TLR3: variants seen among roughly 807,000 people sequenced by gnomAD.
TLR3 encodes the protein toll like receptor 3.
In TLR3, 43 loss-of-function variants were observed where a neutral mutation model predicts 66.4. That is an observed-to-expected ratio of 0.65 (90% CI 0.51 to 0.83). TLR3 has a LOEUF of 0.83. TLR3 is among the 40% of genes least tolerant of loss of function. TLR3 has a pLI of 0.00. For missense variants in TLR3, 982 were observed against 1,044.6 expected (o/e 0.94, Z 0.83); for synonymous variants, 397 against 397.2 (o/e 1.00, Z 0.01).
rs568980129 is a variant in TLR3, at chr4:186,079,104, G to A, written c.633+73G>A. ...AGTCCCTATCTGTGTCACATACACA[G>A]GAATGTAATGCTCTCTAGCCTCTGC... On this transcript the variant is annotated intron_variant, in intron 3 of 4. Transcript: ENST00000296795. The A allele has an allele frequency of 1.2e-5, 15 of 1,273,622 alleles. No individual in the cohort carries two copies. In the South Asian group the frequency reaches 1.8e-4, roughly 15 times the overall value. The allele number at this position is 1,273,622 out of a possible 1,614,324, so 78.9% of individuals were successfully genotyped here.
chr4:186,076,718 A>G lies in TLR3; in HGVS notation c.99A>G (p.Glu33=), dbSNP rs1481297372. The part of the protein sequence containing the change: ...SSTTKCTVSH[E]VADCSHLKLT... Reference sequence around the variant, plus strand: ...CCACCAAGTGCACTGTTAGCCATGAAGTTGCTGACTGCAGCCACCTGAAGT... The same window carrying G: ...CCACCAAGTGCACTGTTAGCCATGAGGTTGCTGACTGCAGCCACCTGAAGT... Residue 33 remains glutamate, a synonymous_variant, in exon 2 of 5, where the codon GAA becomes GAG. Transcript: ENST00000296795. 2 of 1,614,160 alleles carry G rather than the reference A, an allele frequency of 1.2e-6. No homozygotes were observed. Among genetic ancestry groups the G allele is most frequent in the East Asian group, 4.5e-5 (2 of 44,870 alleles).
Sources: gnomAD v4.1 joint callset for allele counts on GRCh38, gnomAD v4.1.1 for gene constraint, MANE v1.5 for transcripts, NCBI Gene and HGNC (gene_info 2026-07-23, HGNC 2026-07-21) for gene names.